Variants in TCIRG1 observed in about 807,000 individuals in gnomAD.
The protein encoded by TCIRG1 is V-type proton ATPase 116 kDa subunit a 3.
A neutral mutation model predicts 95.5 loss-of-function variants in TCIRG1; 86 were observed. The observed-to-expected ratio is 0.90, with a 90% confidence interval of 0.76 to 1.08. The LOEUF is 1.08. Ranked by LOEUF, TCIRG1 falls within the 50% of genes least tolerant of loss-of-function variation. The pLI, the probability that TCIRG1 is intolerant of heterozygous loss-of-function variation, is 0.00. For synonymous variants in TCIRG1, 499 were observed against 501.3 expected, an observed-to-expected ratio of 1.00 and a Z score of 0.06; for missense variants, 1,069 against 1,140.2, an observed-to-expected ratio of 0.94 and a Z score of 0.90.
intron 10 of TCIRG1, among the ~76,000 whole-genome samples, chr11:68,046,626 T>C (rs1438985554): frequency 6.9e-6 from 1 of 145,338 alleles, no homozygotes; most frequent in African/African-American, 2.7e-5. Context: ...GCGACTCCAG[T>C]GTATCTTTTT....
At chr11:68,040,016 G>A (rs1347761330) in intron 1 of TCIRG1, 1 of 152,394 alleles carries the variant, frequency 6.6e-6, no homozygotes, top group Non-Finnish European at 1.5e-5. Flanking sequence ...CATAACATTG[G>A]ACTTTACCTC....
chr11:68,048,109 C>A, intron 13 of TCIRG1, 137 bp downstream of exon 13: 1 of 808,122 alleles, frequency 1.2e-6, no homozygotes, highest in Non-Finnish European at 2.1e-6. Context: ...GCACAAGAGG[C>A]AGACAAGCCT....
At chr11:68,043,346 C>T in intron 5 of TCIRG1, 25 bp from the exon 6 acceptor site, 6 of 1,537,586 alleles carry the variant, frequency 3.9e-6, no homozygotes, top group Non-Finnish European at 5.2e-6. Flanking sequence ...GTTGGAGCAG[C>T]CCTGCCCAGC....
In TCIRG1 at chr11:68,041,803, G is replaced by T; in HGVS notation, c.168G>T (p.Arg56=). The change falls in exon 3 of 20, where the codon CGG becomes CGT. Residue 56 remains arginine, a synonymous_variant. Coordinates refer to ENST00000265686, the MANE Select transcript of TCIRG1 (RefSeq NM_006019.4). ...AGAGACGCTTTGTGGTTGATGTTCG[G>T]CGCTGTGAGGAGCTGGAGAAGACCT... is the stretch of plus-strand genomic sequence containing the variant. The part of the protein sequence containing the change: ...AFQRRFVVDV[R]RCEELEKTFT... 1 of 1,610,024 alleles carries T rather than the reference G, an allele frequency of 6.2e-7. No homozygotes were observed. The highest frequency in any genetic ancestry group is 2.2e-5 in the East Asian group (1 of 44,748).
At chr11:68,042,546 C>T in intron 3 of TCIRG1, 97 bp from the exon 4 acceptor site, 1 of 1,026,036 alleles carries the variant, frequency 9.7e-7, no homozygotes, top group South Asian at 1.5e-5. Context: ...CTGGTGAATC[C>T]AGCAGCTGGT....
Position 68,050,073 on chromosome 11 carries a change from G to T in TCIRG1, c.2118+7G>T. 6.2e-7 allele frequency: 1 copy of T among 1,613,022 alleles called. No homozygotes were observed. On this transcript the variant is annotated splice_region_variant and intron_variant, in intron 17 of 19. Transcript: ENST00000265686. ...TGATGAAGAGGAGGCCGAGGTGGGT[G>T]CAGTGCCTTCCTGGGGGTGGGACGG...
downstream of TCIRG1, chr11:68,050,916 C>T (rs1855774957): frequency 7.2e-7 from 1 of 1,389,788 alleles, no homozygotes; most frequent in Non-Finnish European, 1.0e-6. Context: ...GTCTCTCTTC[C>T]CTCCTTTTTA....
In TCIRG1 at chr11:68,048,996, G is replaced by A. The variant is rs35089741; in HGVS notation, c.1672G>A (p.Val558Met). The change falls in exon 14 of 20, where the codon GTG (valine) becomes ATG (methionine). Residue 558 changes from valine to methionine, a missense_variant and splice_region_variant. Val to Met is a conservative substitution (Grantham distance 21, BLOSUM62 1). Transcript: ENST00000265686. ...GGTGGTCCTCGGAGTCTTCAACCAC[G>A]TGTGAGGGCCAAGGCTGCCCGGGGG... ...FGVVLGVFNH[V>M]HFGQRHRLLL... is the part of the protein sequence containing the mutation. The A allele has an allele frequency of 1.3e-5, 21 of 1,613,380 alleles. No individual in the cohort carries two copies. Among genetic ancestry groups the A allele is most frequent in the East Asian group, 2.2e-5 (1 of 44,904 alleles).
chr11:68,040,662 G>T (rs1472877498), intron 1 of TCIRG1, among the ~76,000 whole-genome samples: 1 of 152,216 alleles, frequency 6.6e-6, no homozygotes, highest in Non-Finnish European at 1.5e-5. Context: ...CTTGAGCAAG[G>T]CCCCGGGCCC....
At chr11:68,046,867 G>A in intron 10 of TCIRG1, 1 of 456,300 alleles carries the variant, frequency 2.2e-6, no homozygotes, top group Non-Finnish European at 4.4e-6. Context: ...ACTTCCTGTG[G>A]CTCCAGCAGC....
chr11:68,041,471 T>C lies in TCIRG1; in HGVS notation c.117+83T>C, dbSNP rs7116924. On this transcript the variant is annotated intron_variant, in intron 2 of 19. Transcript: ENST00000265686. ...GGTCCAGGATGGGGACTGCCCCCCC[T>C]CCGCCATAGGGCCCTGGCCCCATTT... 0.2 allele frequency: 203,009 copies of C among 1,001,646 alleles called. 20,676 individuals carry two copies. The highest frequency in any genetic ancestry group is 0.45 in the African/African-American group (28,041 of 62,206). The allele number at this position is 1,001,646 out of a possible 1,614,324, so 62.0% of individuals were successfully genotyped here.
chr11:68,040,710 A>G (rs868120913), intron 1 of TCIRG1, among the ~76,000 whole-genome samples: 10 of 152,168 alleles, frequency 6.6e-5, no homozygotes, highest in Non-Finnish European at 1.5e-4. Flanking sequence ...TGTTGGTTTC[A>G]ACACCTGGAA....
chr11:68,041,407 C>T lies in TCIRG1; in HGVS notation c.117+19C>T, dbSNP rs200524399. The T allele has an allele frequency of 9.0e-6, 14 of 1,556,848 alleles. No individual in the cohort carries two copies. Among genetic ancestry groups the T allele is most frequent in the East Asian group, 9.0e-5 (4 of 44,514 alleles). ...CAGAGACGTGAGTTGGGTGGGCAGG[C>T]GTGGGAAGGGGGCTACTGCCAAGGT... On this transcript the variant is annotated intron_variant, in intron 2 of 19. Transcript: ENST00000265686.
In TCIRG1 at chr11:68,041,764, G is replaced by C; in HGVS notation, c.129G>C (p.Ser43=). Residue 43 remains serine (S), a synonymous_variant, in exon 3 of 20, where the codon TCG becomes TCC. Transcript: ENST00000265686. ...TGTGGCACCCACAGCTCAACGCCTC[G>C]GTGAGCGCCTTCCAGAGACGCTTTG... ...GLVEFRDLNA[S]VSAFQRRFVV... is the part of the protein sequence containing the mutation. 1 of 1,609,250 alleles carries C rather than the reference G, an allele frequency of 6.2e-7. No homozygotes were observed. The highest frequency in any genetic ancestry group is 8.5e-7 in the Non-Finnish European group (1 of 1,178,100).
intron 15 of TCIRG1, 69 bp downstream of exon 15, chr11:68,049,363 G>A (rs1464185095): frequency 2.7e-6 from 4 of 1,469,660 alleles, no homozygotes; most frequent in Non-Finnish European, 3.7e-6. Flanking sequence ...AGGGCCACTG[G>A]GAGCTGCAAG....
chr11:68,043,951 G>A (rs764099418), intron 8 of TCIRG1, 44 bp downstream of exon 8: 2 of 1,470,268 alleles, frequency 1.4e-6, no homozygotes, highest in Non-Finnish European at 1.8e-6. Flanking sequence ...GGAGGTGGGT[G>A]CCCCCGGCCT....
intron 2 of TCIRG1, 81 bp downstream of exon 2, chr11:68,041,469 C>T (rs990180507): frequency 5.2e-5 from 56 of 1,080,744 alleles, no homozygotes; most frequent in Middle Eastern, 5.8e-4. Flanking sequence ...GACTGCCCCC[C>T]CTCCGCCATA....
intron 5 of TCIRG1, 100 bp from the exon 6 acceptor site, chr11:68,043,271 T>G: frequency 1.3e-6 from 2 of 1,492,538 alleles, no homozygotes; most frequent in Non-Finnish European, 1.8e-6. Flanking sequence ...TGTGCCCAAT[T>G]GCCCGATTGC....
chr11:68,040,956 GA>G (rs1441765245), intron 1 of TCIRG1, among the ~76,000 whole-genome samples: 1 of 152,230 alleles, frequency 6.6e-6, no homozygotes, highest in Non-Finnish European at 1.5e-5. Flanking sequence ...AGGCCAGAGT[GA>G]AGGTGGGGGT....
Sources: gnomAD v4.1 joint callset for allele counts (sites outside exome capture counted in the v4.1 genomes callset) on GRCh38, gnomAD v4.1.1 for gene constraint, MANE v1.5 for transcripts, NCBI Gene and HGNC (gene_info 2026-07-23, HGNC 2026-07-21) for gene names.